Variants in AXDND1 observed in about 807,000 individuals in gnomAD.
The protein encoded by AXDND1 is axonemal dynein light chain domain-containing protein 1.
A neutral mutation model predicts 137.5 loss-of-function variants in AXDND1; 110 were observed. The observed-to-expected ratio is 0.80, with a 90% CI of 0.69 to 0.94. The LOEUF is 0.94. Among genes scored for constraint, AXDND1 ranks in the 40% least tolerant of loss-of-function variants. The probability of loss-of-function intolerance (pLI) is 0.00; values close to 1 mark genes in which losing one functional copy is unlikely to be tolerated. For synonymous variants in AXDND1, 414 were observed against 399.7 expected (o/e 1.04, Z -0.43); for missense variants, 1,191 against 1,169.8 (o/e 1.02, Z -0.26).
intron 25 of AXDND1, among the ~76,000 whole-genome samples, chr1:179,538,390 T>C (rs1480772188): frequency 6.6e-6 from 1 of 152,238 alleles, no homozygotes; most frequent in Non-Finnish European, 1.5e-5. Flanking sequence ...TGGTATGTTG[T>C]GTCTTCATTC....
At chr1:179,430,326 A>G in intron 13 of AXDND1, 126 bp from the exon 14 acceptor site, 1 of 763,130 alleles carries the variant, frequency 1.3e-6, no homozygotes. Context: ...GTAACTTTTC[A>G]ATTTTTAATC....
chr1:179,417,737 A>G (rs1320683905), intron 12 of AXDND1, among the ~76,000 whole-genome samples: 1 of 152,200 alleles, frequency 6.6e-6, no homozygotes, highest in Non-Finnish European at 1.5e-5. Context: ...TTTAAAAAAA[A>G]AATTCTGTGA....
chr1:179,403,730 C>T (rs758699557), intron 11 of AXDND1, among the ~76,000 whole-genome samples: 8 of 152,184 alleles, frequency 5.3e-5, no homozygotes, highest in Non-Finnish European at 7.3e-5. Context: ...TGTGCCACCA[C>T]ACCCGGCTAA....
chr1:179,544,600 G>T (rs932165103), intron 25 of AXDND1: 1 of 150,898 alleles, frequency 6.6e-6, no homozygotes, highest in Non-Finnish European at 1.5e-5. Context: ...TTTGAACCCA[G>T]GAGGTGGAGG....
intron 21 of AXDND1, among the ~76,000 whole-genome samples, chr1:179,522,391 T>C (rs888313116): frequency 4.6e-5 from 7 of 152,186 alleles, no homozygotes; most frequent in African/African-American, 1.7e-4. Flanking sequence ...TTTCTTTAAA[T>C]AGGTTAAGTA....
chr1:179,447,884 G>A, intron 16 of AXDND1: 1 of 1,352,458 alleles, frequency 7.4e-7, no homozygotes, highest in South Asian at 1.2e-5. Flanking sequence ...GGAGCTCCAG[G>A]GGACACATTT....
rs542685072 is a variant in AXDND1, at chr1:179,483,222, G to C, written c.2091+1G>C. 1.9e-6 allele frequency: 3 copies of C among 1,585,206 alleles called. No individual in the cohort carries two copies. Among genetic ancestry groups the C allele is most frequent in the Admixed American group, 3.6e-5 (2 of 55,936 alleles). Reference sequence around the variant, plus strand: ...CGGTAACATTGAACTTCAGCACCACGTATGTACTTGTAAGGGTTTTTGACG... The same window carrying C: ...CGGTAACATTGAACTTCAGCACCACCTATGTACTTGTAAGGGTTTTTGACG... On this transcript the variant is annotated splice_donor_variant, in intron 18 of 25. Transcript: ENST00000367618. LOFTEE classifies it high-confidence loss of function.
At chr1:179,449,724 T>C in intron 16 of AXDND1, 1 of 152,132 alleles carries the variant, frequency 6.6e-6, no homozygotes, top group East Asian at 1.9e-4. Flanking sequence ...GTTTTATATT[T>C]CTTTTGTTAA....
chr1:179,551,233 T>C, intron 25 of AXDND1: 1 of 1,614,154 alleles, frequency 6.2e-7, no homozygotes, highest in Non-Finnish European at 8.5e-7. Flanking sequence ...TGGAAGGACT[T>C]GGGAAGGGGA....
chr1:179,508,196 T>G (rs960520333), intron 20 of AXDND1, among the ~76,000 whole-genome samples: 1 of 151,882 alleles, frequency 6.6e-6, no homozygotes, highest in Admixed American at 6.6e-5. Context: ...ATTAGCCAGG[T>G]ATGGTGGTGC....
chr1:179,490,439 A>G (rs138581355), intron 18 of AXDND1, among the ~76,000 whole-genome samples: 227 of 152,290 alleles, frequency 1.5e-3, no homozygotes, highest in Non-Finnish European at 2.5e-3. Flanking sequence ...GAGGTTCTCA[A>G]ACTTTCTCTA....
intron 12 of AXDND1, 37 bp from the exon 13 acceptor site, chr1:179,429,481 G>A (rs778198143): frequency 3.4e-5 from 39 of 1,131,426 alleles, no homozygotes; most frequent in Admixed American, 2.8e-5. Flanking sequence ...GTTTGCTAAT[G>A]TTTTAGGTTC....
chr1:179,552,514 T>C, intron 25 of AXDND1: 1 of 1,019,140 alleles, frequency 9.8e-7, no homozygotes, highest in Non-Finnish European at 1.5e-6. Context: ...CAGTGCCTAA[T>C]GAATGGACAG....
At chr1:179,527,352 G>A (rs181691785) in intron 22 of AXDND1, among the ~76,000 whole-genome samples, 134 of 152,244 alleles carry the variant, frequency 8.8e-4, no homozygotes, top group African/African-American at 3.2e-3. Context: ...TTATCAGCAA[G>A]GTCTTTATGA....
At chr1:179,468,662 T>C (rs765122240) in intron 17 of AXDND1, 21 bp downstream of exon 17, 1 of 1,561,628 alleles carries the variant, frequency 6.4e-7, no homozygotes, top group Non-Finnish European at 8.6e-7. Flanking sequence ...ATAGGTTTCT[T>C]TTGTTCTGAG....
intron 21 of AXDND1, among the ~76,000 whole-genome samples, chr1:179,513,471 T>C (rs1669241411): frequency 6.6e-6 from 1 of 152,208 alleles, no homozygotes; most frequent in Non-Finnish European, 1.5e-5. Flanking sequence ...TTAGCGAGTA[T>C]TTTGTTAAAG....
chr1:179,546,150 C>A, intron 25 of AXDND1: 1 of 152,284 alleles, frequency 6.6e-6, no homozygotes, highest in Non-Finnish European at 1.5e-5. Flanking sequence ...ACAAACCTCC[C>A]TATGGATGAA....
At chr1:179,470,448 G>A (rs759766947) in intron 17 of AXDND1, among the ~76,000 whole-genome samples, 3 of 152,118 alleles carry the variant, frequency 2.0e-5, no homozygotes, top group Non-Finnish European at 4.4e-5. Context: ...ATGAACATGG[G>A]ATGTTTTTCC....
At chr1:179,394,580 A>T (rs1330964825) in intron 10 of AXDND1, among the ~76,000 whole-genome samples, 3 of 152,230 alleles carry the variant, frequency 2.0e-5, no homozygotes, top group East Asian at 3.9e-4. Context: ...ACGGAGCGAG[A>T]CCCTGTCTCA....
Sources: allele counts gnomAD v4.1 joint callset (sites outside exome capture counted in the v4.1 genomes callset), GRCh38; gene constraint gnomAD v4.1.1; transcripts MANE v1.5; gene names NCBI Gene and HGNC (gene_info 2026-07-23, HGNC 2026-07-21).